MYO1D: variants seen among roughly 807,000 people sequenced by gnomAD.
The protein encoded by MYO1D is myosin ID, also known as unconventional myosin-Id.
Under a neutral mutation model 122.0 loss-of-function variants are expected in MYO1D, and 83 were observed. That is an observed-to-expected ratio of 0.68 (90% CI 0.57 to 0.82). The LOEUF (loss-of-function observed/expected upper bound fraction) is 0.82, where lower values mean the gene tolerates loss of function less well. Ranked by LOEUF, MYO1D falls within the 40% of genes least tolerant of loss-of-function variation. The probability of loss-of-function intolerance (pLI) is 0.00; values close to 1 mark genes in which losing one functional copy is unlikely to be tolerated. For missense variants in MYO1D, 1,157 were observed against 1,269.5 expected, an observed-to-expected ratio of 0.91 and a Z score of 1.35; for synonymous variants, 464 against 446.9, an observed-to-expected ratio of 1.04 and a Z score of -0.48.
chr17:32,857,613 T>C (rs17183628), intron 1 of MYO1D, among the ~76,000 whole-genome samples: 21,890 of 151,674 alleles, frequency 0.14, 2,036 homozygotes, highest in Middle Eastern at 0.29. Flanking sequence ...TAGACTCCTT[T>C]AACCCTATCA....
At chr17:32,777,794 C>T (rs535651163) in intron 3 of MYO1D, among the ~76,000 whole-genome samples, 176 of 152,136 alleles carry the variant, frequency 1.2e-3, no homozygotes, top group African/African-American at 4.0e-3. Flanking sequence ...ATTAGCCGGG[C>T]GCAGTGGCCG....
intron 21 of MYO1D, chr17:32,602,403 C>G (rs571653394): frequency 6.6e-6 from 1 of 152,136 alleles, no homozygotes; most frequent in Non-Finnish European, 1.5e-5. Flanking sequence ...AGCTTTGTTT[C>G]AGGACATAGC....
intron 17 of MYO1D, among the ~76,000 whole-genome samples, chr17:32,655,479 G>A (rs1252199160): frequency 6.6e-6 from 1 of 152,158 alleles, no homozygotes. Flanking sequence ...TTTATATAGG[G>A]TGGTCTGGGC....
chr17:32,662,394 G>A (rs186691196), intron 16 of MYO1D, among the ~76,000 whole-genome samples: 18 of 152,250 alleles, frequency 1.2e-4, no homozygotes, highest in Non-Finnish European at 1.8e-4. Context: ...GCTGCGCAGC[G>A]GGACGCGGTG....
intron 21 of MYO1D, among the ~76,000 whole-genome samples, chr17:32,597,518 A>G (rs902318584): frequency 4.6e-5 from 7 of 152,164 alleles, no homozygotes; most frequent in African/African-American, 1.4e-4. Context: ...AGATATCTAT[A>G]TATCTATCTA....
chr17:32,844,509 T>C (rs8064452), intron 1 of MYO1D, among the ~76,000 whole-genome samples: 78,045 of 149,922 alleles, frequency 0.52, 20,964 homozygotes, highest in East Asian at 0.73. Flanking sequence ...TCACTTGAGG[T>C]CAGGAGTTCA....
intron 19 of MYO1D, among the ~76,000 whole-genome samples, chr17:32,645,934 C>T (rs1051447922): frequency 9.2e-5 from 14 of 152,162 alleles, no homozygotes; most frequent in African/African-American, 3.4e-4. Flanking sequence ...AGCTTTGTTC[C>T]ATTGCTGGTG....
At chr17:32,694,707 C>CA (rs58606294) in intron 16 of MYO1D, among the ~76,000 whole-genome samples, 3,580 of 55,780 alleles carry the variant, frequency 0.064, 613 homozygotes, top group African/African-American at 0.2. Context: ...GACTCCGTCT[C>CA]AAAAAAAAAA....
chr17:32,861,045 T>A (rs1385209580), intron 1 of MYO1D, among the ~76,000 whole-genome samples: 1 of 151,822 alleles, frequency 6.6e-6, no homozygotes, highest in Non-Finnish European at 1.5e-5. Flanking sequence ...AGGGATCACG[T>A]CTGGGCTGTA....
intron 1 of MYO1D, among the ~76,000 whole-genome samples, chr17:32,861,193 C>T (rs986845946): frequency 2.7e-5 from 3 of 110,208 alleles, no homozygotes; most frequent in African/African-American, 1.1e-4. Context: ...TTCAGCCTCC[C>T]GAGCTGGGAC....
chr17:32,679,337 G>A (rs1238439686), intron 16 of MYO1D, among the ~76,000 whole-genome samples: 2 of 151,750 alleles, frequency 1.3e-5, no homozygotes, highest in African/African-American at 4.9e-5. Flanking sequence ...CCTTGCCCAC[G>A]CCTATGTCCT....
chr17:32,539,156 T>A (rs1597883933), intron 21 of MYO1D, among the ~76,000 whole-genome samples: 1 of 152,164 alleles, frequency 6.6e-6, no homozygotes, highest in East Asian at 1.9e-4. Flanking sequence ...TGACTTTTTT[T>A]AAAGGCCTGG....
At chr17:32,568,103 A>G (rs556739638) in intron 21 of MYO1D, among the ~76,000 whole-genome samples, 27 of 151,428 alleles carry the variant, frequency 1.8e-4, no homozygotes, top group Non-Finnish European at 3.4e-4. Flanking sequence ...CCTCTGCAAC[A>G]TTAAGTCCTT....
chr17:32,856,184 T>C (rs537237953), intron 1 of MYO1D, among the ~76,000 whole-genome samples: 7 of 152,274 alleles, frequency 4.6e-5, no homozygotes, highest in Non-Finnish European at 1.0e-4. Flanking sequence ...ACTTCTGTTG[T>C]ATGAGGGAGA....
At chr17:32,552,229 C>A (rs568514349) in intron 21 of MYO1D, among the ~76,000 whole-genome samples, 2 of 152,176 alleles carry the variant, frequency 1.3e-5, no homozygotes, top group African/African-American at 2.4e-5. Flanking sequence ...GCACACACTA[C>A]CACACCTGGC....
In MYO1D at chr17:32,799,275, C is replaced by A. The variant is rs191132399; in HGVS notation, c.96-18491G>T. Among the ~76,000 whole-genome samples, 4 of 152,214 alleles carry A rather than the reference C, an allele frequency of 2.6e-5. No homozygotes were observed. In the East Asian group the frequency reaches 7.7e-4, roughly 29 times the overall value. On this transcript the variant is annotated intron_variant, in intron 1 of 21. Coordinates refer to ENST00000318217, the MANE Select transcript of MYO1D (RefSeq NM_015194.3). ...AGTCCCTGTAGCAGAAATTAAATCT[C>A]GTTTATTGCTAGATCTAACTGAGAG...
Position 32,736,899 on chromosome 17 carries a change from C to T in MYO1D, c.1746+1354G>A, listed in dbSNP as rs769393188. Reference sequence around the variant, plus strand: ...GAGATACAAGAGTGAAGAGTCCTAACGGCATTCCAGCCTCCAGTGCCAGTG... The same window carrying T: ...GAGATACAAGAGTGAAGAGTCCTAATGGCATTCCAGCCTCCAGTGCCAGTG... On this transcript the variant is annotated intron_variant, in intron 14 of 21. Coordinates refer to ENST00000318217, the MANE Select transcript of MYO1D (RefSeq NM_015194.3). 1.4e-4 allele frequency among the ~76,000 whole-genome samples: 21 copies of T among 152,264 alleles called. 1 individual carries two copies. The South Asian group carries it at 1.7e-3, about 12-fold the overall frequency.
chr17:32,610,713 A>G (rs879573803), intron 20 of MYO1D, among the ~76,000 whole-genome samples: 1 of 151,784 alleles, frequency 6.6e-6, no homozygotes, highest in Non-Finnish European at 1.5e-5. Context: ...AGGGTCTTAC[A>G]CTCTAAGTGA....
chr17:32,511,226 GT>G (rs557656821), intron 21 of MYO1D, among the ~76,000 whole-genome samples: 8,164 of 145,932 alleles, frequency 0.056, 735 homozygotes, highest in African/African-American at 0.19. Context: ...CGCTCACTCT[GT>G]TTTTTTTTTT....
Sources: allele counts gnomAD v4.1 joint callset (sites outside exome capture counted in the v4.1 genomes callset), GRCh38; gene constraint gnomAD v4.1.1; transcripts MANE v1.5; gene names NCBI Gene and HGNC (gene_info 2026-07-23, HGNC 2026-07-21).